The following CD40 variants were observed in gnomAD, a reference collection of about 807,000 sequenced individuals.
CD40 encodes the protein tumor necrosis factor receptor superfamily member 5.
CD40 carries 19 observed loss-of-function variants against 38.5 expected under a neutral mutation model. The ratio of observed to expected loss-of-function variants is 0.49; its 90% CI spans 0.34 to 0.72. The LOEUF (loss-of-function observed/expected upper bound fraction) is 0.72, where lower values mean the gene tolerates loss of function less well. CD40 is among the 30% of genes least tolerant of loss of function. The pLI is 0.01. For missense variants in CD40, 256 were observed against 344.1 expected (o/e 0.74, Z 2.03); for synonymous variants, 130 against 128.7 (o/e 1.01, Z -0.07).
chr20:46,119,022 A>C (rs530070776), intron 1 of CD40, among the ~76,000 whole-genome samples: 1 of 151,746 alleles, frequency 6.6e-6, no homozygotes, highest in South Asian at 2.1e-4. Context: ...TGGGGAGATG[A>C]ACAGTTTATG....
chr20:46,118,450 AG>A, intron 1 of CD40, 56 bp downstream of exon 1: 2 of 1,352,430 alleles, frequency 1.5e-6, no homozygotes, highest in East Asian at 4.1e-5. Context: ...TGAGAAGGAA[AG>A]GGAAGGAAGA....
At chr20:46,119,652 C>G (rs11569308) in intron 1 of CD40, among the ~76,000 whole-genome samples, 4,172 of 152,252 alleles carry the variant, frequency 0.027, 180 homozygotes, top group African/African-American at 0.096. Flanking sequence ...TCTTGTGTGT[C>G]AGGCTCTGAG....
chr20:46,126,669 A>G lies in CD40; in HGVS notation c.527A>G (p.Gln176Arg). ...GAGACCAAAGACCTGGTTGTGCAAC[A>G]GGCAGGCACAAACAAGACTGATGTT... ...SCETKDLVVQQAGTNKTDVVC... is the reference protein window; with the variant it reads ...SCETKDLVVQRAGTNKTDVVC... The change falls in exon 6 of 9, where the codon CAG (glutamine) becomes CGG (arginine). Residue 176 changes from glutamine (Q) to arginine (R), a missense_variant. By Grantham distance (43) the Gln-to-Arg change is conservative. Transcript: ENST00000372285. The G allele has an allele frequency of 6.2e-7, 1 of 1,614,160 alleles. No individual in the cohort carries two copies. The highest frequency in any genetic ancestry group is 1.3e-5 in the African/African-American group (1 of 75,052).
At position 46,129,427 on chromosome 20, in the gene CD40, A is replaced by C. The variant is rs1184838586; in HGVS notation, c.*387A>C. On this transcript the variant is annotated 3_prime_UTR_variant, in exon 9 of 9. Coordinates refer to ENST00000372285, the MANE Select transcript of CD40 (RefSeq NM_001250.6). ...AGCCATATACACAGATGCCCATTGC[A>C]GCATTGTTTGTGATAGTGAACAACT... 1 of 272,744 alleles carries C rather than the reference A, an allele frequency of 3.7e-6. No individual in the cohort carries two copies. The highest frequency in any genetic ancestry group is 7.3e-6 in the Non-Finnish European group (1 of 137,150). The allele number at this position is 272,744 out of a possible 1,614,324, so 16.9% of individuals were successfully genotyped here.
Position 46,129,431 on chromosome 20 carries a change from T to C in CD40, c.*391T>C, listed in dbSNP as rs2085512918. Reference sequence around the variant, plus strand: ...ATATACACAGATGCCCATTGCAGCATTGTTTGTGATAGTGAACAACTGGAA... The same window carrying C: ...ATATACACAGATGCCCATTGCAGCACTGTTTGTGATAGTGAACAACTGGAA... On this transcript the variant is annotated 3_prime_UTR_variant, in exon 9 of 9. Transcript: ENST00000372285. 7.6e-6 allele frequency: 2 copies of C among 261,608 alleles called. No homozygotes were observed. Among genetic ancestry groups the C allele is most frequent in the Non-Finnish European group, 7.6e-6 (1 of 130,936 alleles). The allele number at this position is 261,608 out of a possible 1,614,324, so 16.2% of individuals were successfully genotyped here.
In CD40 at chr20:46,122,101, C is replaced by T. The variant is rs759072777; in HGVS notation, c.131-132C>T. On this transcript the variant is annotated intron_variant, in intron 2 of 8. Coordinates refer to ENST00000372285, the MANE Select transcript of CD40 (RefSeq NM_001250.6). This position sits in a 1 kb window ranked among gnomAD's most constrained non-coding sequence, Gnocchi z 5.0. Reference sequence around the variant, plus strand: ...GGGATCCCAGCTTCTCCATCTTCCTCGCCTGATTATGAAGGATCCAAGACT... The same window carrying T: ...GGGATCCCAGCTTCTCCATCTTCCTTGCCTGATTATGAAGGATCCAAGACT... The T allele has an allele frequency of 1.3e-4, 160 of 1,238,786 alleles. No homozygotes were observed. Among genetic ancestry groups the T allele is most frequent in the Non-Finnish European group, 1.8e-4 (149 of 849,782 alleles). 76.7% of individuals were successfully genotyped at this position (1,238,786 alleles called of 1,614,324 possible).
Position 46,118,412 on chromosome 20 carries a change from C to T in CD40, c.51+18C>T, listed in dbSNP as rs771486060. On this transcript the variant is annotated intron_variant, in intron 1 of 8. Coordinates refer to ENST00000372285, the MANE Select transcript of CD40 (RefSeq NM_001250.6). ...TGACCGCTGTGAGTTGTTTTTGCCC[C>T]GACCAGACGGGAGTTGGGAGTGGGG... 6 of 1,613,238 alleles carry T rather than the reference C, an allele frequency of 3.7e-6. No homozygotes were observed. In the South Asian group the frequency reaches 6.6e-5, roughly 18 times the overall value.
At chr20:46,121,207 A>G (rs563171277) in intron 1 of CD40, among the ~76,000 whole-genome samples, 3 of 152,368 alleles carry the variant, frequency 2.0e-5, no homozygotes, top group Admixed American at 6.5e-5. Context: ...GGACTCTGTC[A>G]CTGTGAGACT....
intron 5 of CD40, among the ~76,000 whole-genome samples, chr20:46,125,125 A>G (rs2085406985): frequency 6.6e-6 from 1 of 150,958 alleles, no homozygotes; most frequent in African/African-American, 2.4e-5. Context: ...ATTACAGCTC[A>G]GTAAGTGTGT....
rs1261623149 is a variant in CD40, at chr20:46,129,132, G to C, written c.*92G>C. 7.0e-7 allele frequency: 1 copy of C among 1,435,334 alleles called. No homozygotes were observed. Among genetic ancestry groups the C allele is most frequent in the Non-Finnish European group, 9.7e-7 (1 of 1,025,914 alleles). The allele number at this position is 1,435,334 out of a possible 1,614,324, so 88.9% of individuals were successfully genotyped here. A position where few individuals can be genotyped will look rare whatever the true frequency, so the allele number is the denominator to read the frequency against. Reference sequence around the variant, plus strand: ...CTGCTGCTGTGGCGTGAGGGTGAGGGGCTGGCACTGACTGGGCATAGCTCC... The same window carrying C: ...CTGCTGCTGTGGCGTGAGGGTGAGGCGCTGGCACTGACTGGGCATAGCTCC... On this transcript the variant is annotated 3_prime_UTR_variant, in exon 9 of 9. Coordinates refer to ENST00000372285, the MANE Select transcript of CD40 (RefSeq NM_001250.6).
chr20:46,122,120 C>A lies in CD40; in HGVS notation c.131-113C>A. On this transcript the variant is annotated intron_variant, in intron 2 of 8. Transcript: ENST00000372285. The surrounding 1 kb of genome is among the most constrained non-coding windows in gnomAD (Gnocchi z 5.0). The stretch of plus-strand genomic sequence containing the variant: ...CTTCCTCGCCTGATTATGAAGGATC[C>A]AAGACTTTCATCTTTGAATCCCCTA... 2 of 1,385,642 alleles carry A rather than the reference C, an allele frequency of 1.4e-6. No individual in the cohort carries two copies. The highest frequency in any genetic ancestry group is 2.0e-6 in the Non-Finnish European group (2 of 975,688). The allele number at this position is 1,385,642 out of a possible 1,614,324, so 85.8% of individuals were successfully genotyped here. A position where few individuals can be genotyped will look rare whatever the true frequency, so the allele number is the denominator to read the frequency against.
chr20:46,124,906 A>T (rs1054320687), intron 5 of CD40, among the ~76,000 whole-genome samples: 1 of 151,406 alleles, frequency 6.6e-6, no homozygotes, highest in African/African-American at 2.4e-5. Flanking sequence ...AGCTGGGACT[A>T]TAGGCGCCCG....
At chr20:46,128,299 C>T in intron 7 of CD40, 31 bp from the exon 8 acceptor site, 1 of 1,568,236 alleles carries the variant, frequency 6.4e-7, no homozygotes, top group Non-Finnish European at 8.7e-7. Flanking sequence ...CTCCAACTCC[C>T]CATCCTTTTT....
intron 1 of CD40, among the ~76,000 whole-genome samples, chr20:46,119,146 C>G (rs1225325520): frequency 1.3e-5 from 2 of 152,106 alleles, no homozygotes; most frequent in African/African-American, 4.8e-5. Context: ...TCAGAGCCAA[C>G]CAAGCATATC....
chr20:46,122,821 G>C lies in CD40; in HGVS notation c.403+65G>C. 2.7e-5 allele frequency: 42 copies of C among 1,566,896 alleles called. No homozygotes were observed. Among genetic ancestry groups the C allele is most frequent in the Non-Finnish European group, 3.2e-5 (37 of 1,140,318 alleles). On this transcript the variant is annotated intron_variant, in intron 4 of 8. Coordinates refer to ENST00000372285, the MANE Select transcript of CD40 (RefSeq NM_001250.6). This position sits in a 1 kb window ranked among gnomAD's most constrained non-coding sequence, Gnocchi z 5.0. ...GAGGAGCTTAGGGCCCAAGGTGAGG[G>C]GCTGGGCAGTGGGCACTTAGCCCCA...
At chr20:46,126,129 A>G (rs899303302) in intron 5 of CD40, among the ~76,000 whole-genome samples, 3 of 152,326 alleles carry the variant, frequency 2.0e-5, no homozygotes, top group East Asian at 3.9e-4. Flanking sequence ...TCACAAACGG[A>G]GAGGGGGATG....
chr20:46,126,557 G>A, intron 5 of CD40, 83 bp from the exon 6 acceptor site: 1 of 1,537,406 alleles, frequency 6.5e-7, no homozygotes, highest in Non-Finnish European at 9.0e-7. Flanking sequence ...ACTCACTCTA[G>A]AGTTGGAAAT....
At chr20:46,128,007 C>A in intron 6 of CD40, 131 bp from the exon 7 acceptor site, 1 of 1,562,164 alleles carries the variant, frequency 6.4e-7, no homozygotes. Context: ...TCCCCAAGGA[C>A]CGCGGTTTGA....
rs201052931 is a variant in CD40 at position 46,125,764 on chromosome 20, GCT to G, written c.498-871_498-870del. 7.8e-3 allele frequency among the ~76,000 whole-genome samples: 1,180 copies of G among 152,162 alleles called. 7 individuals carry two copies. Among genetic ancestry groups the G allele is most frequent in the Non-Finnish European group, 0.013 (878 of 68,000 alleles). The stretch of plus-strand genomic sequence containing the variant: ...TCTTCTGTAATTTCTCCTCCTCTGA[GCT>G]CTCTGGGCAGCTGAATCTTCTCACT... On this transcript the variant is annotated intron_variant, in intron 5 of 8. Coordinates refer to ENST00000372285, the MANE Select transcript of CD40 (RefSeq NM_001250.6).
Sources: allele counts gnomAD v4.1 joint callset (sites outside exome capture counted in the v4.1 genomes callset), GRCh38; gene constraint gnomAD v4.1.1; non-coding constraint Gnocchi (gnomAD v3.1); transcripts MANE v1.5; gene names NCBI Gene and HGNC (gene_info 2026-07-23, HGNC 2026-07-21).